The following ROBO1 variants were observed in gnomAD, a reference collection of about 807,000 sequenced individuals.
ROBO1 encodes the protein roundabout guidance receptor 1, also known as roundabout homolog 1.
In ROBO1, 149 loss-of-function variants were observed where a neutral mutation model predicts 195.9. The ratio of observed to expected loss-of-function variants is 0.76; its 90% CI spans 0.67 to 0.87. The LOEUF is 0.87. ROBO1 is among the 40% of genes least tolerant of loss of function. ROBO1 has a pLI of 0.00. For synonymous variants in ROBO1, 816 were observed against 733.2 expected, an observed-to-expected ratio of 1.11 and a Z score of -1.82; for missense variants, 1,933 against 2,068.3, an observed-to-expected ratio of 0.93 and a Z score of 1.27.
intron 2 of ROBO1, among the ~76,000 whole-genome samples, chr3:79,538,119 T>G (rs1043314688): frequency 6.6e-6 from 1 of 152,126 alleles, no homozygotes; most frequent in African/African-American, 2.4e-5. Flanking sequence ...AAACTACGAA[T>G]AATAGCCCGA....
At chr3:79,681,550 T>C (rs1197953054) in intron 1 of ROBO1, among the ~76,000 whole-genome samples, 5 of 151,996 alleles carry the variant, frequency 3.3e-5, no homozygotes, top group African/African-American at 1.2e-4. Flanking sequence ...AAAATATGAA[T>C]ATGAAATCTG....
At chr3:79,300,468 CG>C (rs1245854023) in intron 2 of ROBO1, among the ~76,000 whole-genome samples, 1 of 152,204 alleles carries the variant, frequency 6.6e-6, no homozygotes, top group Non-Finnish European at 1.5e-5. Flanking sequence ...GGGCAGGGCT[CG>C]GGACCTGCAG....
intron 2 of ROBO1, among the ~76,000 whole-genome samples, chr3:79,256,455 A>G (rs1369463845): frequency 6.6e-6 from 1 of 152,210 alleles, no homozygotes; most frequent in Non-Finnish European, 1.5e-5. Flanking sequence ...CGTTGTATAC[A>G]AGGTGATGGA....
intron 22 of ROBO1, among the ~76,000 whole-genome samples, chr3:78,637,886 C>T (rs1705622128): frequency 6.6e-6 from 1 of 151,594 alleles, no homozygotes; most frequent in Middle Eastern, 3.4e-3. Context: ...TTCTCTCTCG[C>T]CTTTCCGTAA....
intron 4 of ROBO1, among the ~76,000 whole-genome samples, chr3:78,784,354 T>C (rs1408131427): frequency 2.0e-5 from 3 of 152,166 alleles, no homozygotes; most frequent in Non-Finnish European, 2.9e-5. Flanking sequence ...AAGTTAGTCA[T>C]GAGGGCTTTG....
intron 1 of ROBO1, among the ~76,000 whole-genome samples, chr3:79,644,464 A>G (rs1432166422): frequency 1.3e-5 from 2 of 152,206 alleles, no homozygotes; most frequent in Non-Finnish European, 2.9e-5. Flanking sequence ...CAATGATGGC[A>G]GAAGGCAAAA....
At chr3:78,729,760 TA>T (rs1669820290) in intron 5 of ROBO1, among the ~76,000 whole-genome samples, 1 of 152,232 alleles carries the variant, frequency 6.6e-6, no homozygotes, top group Non-Finnish European at 1.5e-5. Context: ...AGCTATCTTC[TA>T]AAAGTAAGAA....
intron 3 of ROBO1, among the ~76,000 whole-genome samples, chr3:79,029,751 T>C (rs1272974815): frequency 6.6e-6 from 1 of 152,212 alleles, no homozygotes; most frequent in African/African-American, 2.4e-5. Context: ...CAAAGTCTCT[T>C]CCTCAGGAAA....
chr3:78,873,932 T>G (rs2035691583), intron 4 of ROBO1, among the ~76,000 whole-genome samples: 1 of 152,072 alleles, frequency 6.6e-6, no homozygotes, highest in Non-Finnish European at 1.5e-5. Context: ...ATCAAGCAAC[T>G]TGTCTAAATT....
intron 7 of ROBO1, among the ~76,000 whole-genome samples, chr3:78,716,487 T>C (rs1202140578): frequency 6.6e-6 from 1 of 152,146 alleles, no homozygotes; most frequent in Non-Finnish European, 1.5e-5. Flanking sequence ...ACCACCCCTA[T>C]GATTCAATCA....
intron 2 of ROBO1, among the ~76,000 whole-genome samples, chr3:79,300,435 T>G (rs113396011): frequency 2.8e-4 from 42 of 152,224 alleles, no homozygotes; most frequent in African/African-American, 9.6e-4. Context: ...GATTTCTCAC[T>G]GGGCGTTAGC....
At chr3:79,208,929 C>T (rs973740007) in intron 2 of ROBO1, among the ~76,000 whole-genome samples, 4 of 152,106 alleles carry the variant, frequency 2.6e-5, no homozygotes, top group African/African-American at 7.2e-5. Context: ...ATGAAGTCAG[C>T]TTACTCTCTG....
intron 1 of ROBO1, among the ~76,000 whole-genome samples, chr3:79,691,910 A>G (rs533328764): frequency 6.6e-6 from 1 of 151,912 alleles, no homozygotes; most frequent in African/African-American, 2.4e-5. Flanking sequence ...CATGAAGCAC[A>G]TTTTTGGCTT....
chr3:78,799,351 T>G (rs1970807), intron 4 of ROBO1, among the ~76,000 whole-genome samples: 38,012 of 151,268 alleles, frequency 0.25, 4,974 homozygotes, highest in East Asian at 0.49. Context: ...TTGTTTTTTG[T>G]TTTTTTTTGA....
Position 78,617,946 on chromosome 3 carries a change from G to A in ROBO1, c.3971C>T (p.Thr1324Met), listed in dbSNP as rs1045339363. The change falls in exon 27 of 31, where the codon ACG (threonine) becomes ATG (methionine). Residue 1324 changes from threonine (T) to methionine (M), a missense_variant. Thr to Met is a moderately conservative substitution (Grantham distance 81). Coordinates refer to ENST00000464233, the MANE Select transcript of ROBO1 (RefSeq NM_002941.4). The part of the protein sequence containing the change: ...ISGPLVSDMD[T>M]DAPEEEEDEA... ...GTCTTCTTCCTCTTCTGGCGCATCC[G>A]TATCCATATCTGAGACCAGGGGTCC... 7 of 1,613,934 alleles carry A rather than the reference G, an allele frequency of 4.3e-6. No homozygotes were observed. Among genetic ancestry groups the A allele is most frequent in the South Asian group, 2.2e-5 (2 of 91,078 alleles).
At chr3:79,460,260 A>G (rs1575855142) in intron 2 of ROBO1, among the ~76,000 whole-genome samples, 1 of 152,334 alleles carries the variant, frequency 6.6e-6, no homozygotes, top group South Asian at 2.1e-4. Flanking sequence ...TGCCATCAAT[A>G]TATGGAGACT....
At chr3:79,182,102 C>T (rs1002235934) in intron 2 of ROBO1, among the ~76,000 whole-genome samples, 13 of 151,554 alleles carry the variant, frequency 8.6e-5, no homozygotes, top group Non-Finnish European at 1.5e-4. Context: ...TTGCTTTTTC[C>T]TTCTTCCATG....
At chr3:78,936,418 T>C (rs1228358335) in intron 4 of ROBO1, among the ~76,000 whole-genome samples, 1 of 152,102 alleles carries the variant, frequency 6.6e-6, no homozygotes, top group Non-Finnish European at 1.5e-5. Flanking sequence ...CATAACTTGA[T>C]AGTAATATCG....
chr3:78,982,327 C>A (rs555496574), intron 3 of ROBO1, among the ~76,000 whole-genome samples: 2 of 152,272 alleles, frequency 1.3e-5, no homozygotes, highest in African/African-American at 4.8e-5. Context: ...CATATTAATA[C>A]CTTTGTAAGC....
Sources: gnomAD v4.1 joint callset for allele counts (sites outside exome capture counted in the v4.1 genomes callset) on GRCh38, gnomAD v4.1.1 for gene constraint, MANE v1.5 for transcripts, NCBI Gene and HGNC (gene_info 2026-07-23, HGNC 2026-07-21) for gene names.